The following MECOM variants were observed in gnomAD, a reference collection of about 807,000 sequenced individuals.
The protein encoded by MECOM is MDS1 and EVI1 complex locus, also known as histone-lysine N-methyltransferase MECOM.
A neutral mutation model predicts 116.3 loss-of-function variants in MECOM; 13 were observed. That is an observed-to-expected ratio of 0.11 (90% CI 0.07 to 0.18). MECOM has a LOEUF of 0.18. Among genes scored for constraint, MECOM ranks in the 10% least tolerant of loss-of-function variants. MECOM has a pLI of 1.00. For synonymous variants in MECOM, 528 were observed against 535.2 expected (o/e 0.99, Z 0.19); for missense variants, 1,299 against 1,509.0 (o/e 0.86, Z 2.31).
At chr3:169,471,071 C>A (rs1749149839) in intron 1 of MECOM, among the ~76,000 whole-genome samples, 1 of 152,032 alleles carries the variant, frequency 6.6e-6, no homozygotes, top group Admixed American at 6.6e-5. Flanking sequence ...CCCCAATACC[C>A]CCATCCCCAC....
intron 1 of MECOM, among the ~76,000 whole-genome samples, chr3:169,607,827 C>A (rs539121053): frequency 6.6e-6 from 1 of 152,210 alleles, no homozygotes; most frequent in Non-Finnish European, 1.5e-5. Flanking sequence ...ATTAAATTTG[C>A]GTAAGCGCTT....
At chr3:169,147,107 C>T (rs766262898) in intron 2 of MECOM, 6 of 986,400 alleles carry the variant, frequency 6.1e-6, no homozygotes, top group Non-Finnish European at 7.2e-6. Flanking sequence ...TGGTTCACAT[C>T]ACCTCCCTCT....
At chr3:169,366,266 G>A (rs1206770575) in intron 2 of MECOM, among the ~76,000 whole-genome samples, 4 of 151,876 alleles carry the variant, frequency 2.6e-5, no homozygotes, top group Admixed American at 2.0e-4. Context: ...TGCTCCTACT[G>A]TTTAGTCTCA....
chr3:169,486,858 T>C (rs968424577), intron 1 of MECOM, among the ~76,000 whole-genome samples: 3 of 152,060 alleles, frequency 2.0e-5, no homozygotes, highest in African/African-American at 7.2e-5. Context: ...GCAAATACTC[T>C]TTTAGGAGAG....
chr3:169,168,385 G>T (rs1743936508), intron 2 of MECOM, among the ~76,000 whole-genome samples: 1 of 144,240 alleles, frequency 6.9e-6, no homozygotes, highest in Non-Finnish European at 1.5e-5. Context: ...AAACTACTTG[G>T]TTCTTTATTA....
chr3:169,265,093 G>A (rs557547841), intron 2 of MECOM, among the ~76,000 whole-genome samples: 3 of 151,818 alleles, frequency 2.0e-5, no homozygotes, highest in Non-Finnish European at 2.9e-5. Flanking sequence ...AAATCAACCC[G>A]AATTTGAAGG....
At chr3:169,515,257 T>C (rs1220997051) in intron 1 of MECOM, among the ~76,000 whole-genome samples, 2 of 152,140 alleles carry the variant, frequency 1.3e-5, no homozygotes, top group Non-Finnish European at 2.9e-5. Context: ...GGAACAATAT[T>C]ATTTTATACT....
chr3:169,606,112 T>G (rs531537170), intron 1 of MECOM, among the ~76,000 whole-genome samples: 4 of 152,276 alleles, frequency 2.6e-5, no homozygotes, highest in Admixed American at 1.3e-4. Flanking sequence ...TCCACTACTT[T>G]GATTAGAAAT....
At chr3:169,146,282 C>T in intron 2 of MECOM, 1 of 1,255,990 alleles carries the variant, frequency 8.0e-7, no homozygotes, top group Non-Finnish European at 1.0e-6. Flanking sequence ...CGATGTTGGA[C>T]AGCAAAGCTG....
At position 169,218,014 on chromosome 3, in the gene MECOM, A is replaced by G. The variant is rs147101096; in HGVS notation, c.376-74182T>C. ...TCTAATTAAATATTTTAATAGCTCT[A>G]TAGTGAAATTAATGCTTAGGGCAGT... is the stretch of plus-strand genomic sequence containing the variant. On this transcript the variant is annotated intron_variant, in intron 2 of 16. Coordinates refer to ENST00000651503, the MANE Select transcript of MECOM (RefSeq NM_004991.4). Among the ~76,000 whole-genome samples, 364 of 152,016 alleles carry G rather than the reference A, an allele frequency of 2.4e-3. 3 individuals are homozygous for G. Among genetic ancestry groups the G allele is most frequent in the African/African-American group, 8.5e-3 (354 of 41,538 alleles).
chr3:169,446,602 C>T (rs1174826176), intron 1 of MECOM, among the ~76,000 whole-genome samples: 2 of 152,194 alleles, frequency 1.3e-5, no homozygotes, highest in African/African-American at 4.8e-5. Context: ...ACTTGCTAAG[C>T]TACCCTCCCT....
At chr3:169,318,442 C>G (rs1457042127) in intron 2 of MECOM, among the ~76,000 whole-genome samples, 1 of 152,108 alleles carries the variant, frequency 6.6e-6, no homozygotes, top group Non-Finnish European at 1.5e-5. Flanking sequence ...ACAACCCCAT[C>G]AAAAAGTGGG....
chr3:169,246,669 G>A (rs147815998), intron 2 of MECOM, among the ~76,000 whole-genome samples: 122 of 151,880 alleles, frequency 8.0e-4, no homozygotes, highest in Non-Finnish European at 1.4e-3. Context: ...CTACAGGCGC[G>A]TGCCACCATG....
At chr3:169,662,633 C>T (rs1776448015) in intron 1 of MECOM, among the ~76,000 whole-genome samples, 1 of 146,066 alleles carries the variant, frequency 6.8e-6, no homozygotes, top group Non-Finnish European at 1.5e-5. Flanking sequence ...CCGCCGCAGT[C>T]CTCCCGCCGC....
chr3:169,209,536 G>A (rs1171339322), intron 2 of MECOM, among the ~76,000 whole-genome samples: 1 of 152,202 alleles, frequency 6.6e-6, no homozygotes, highest in East Asian at 1.9e-4. Flanking sequence ...CCATCAAACA[G>A]TGGGCAAAGG....
At chr3:169,622,695 C>G (rs899872432) in intron 1 of MECOM, among the ~76,000 whole-genome samples, 5 of 152,152 alleles carry the variant, frequency 3.3e-5, no homozygotes, top group Non-Finnish European at 5.9e-5. Flanking sequence ...TAAATAACTT[C>G]TCTTTTATTG....
chr3:169,095,197 C>T lies in MECOM; in HGVS notation c.2898G>A (p.Arg966=). ...CTTTATTGTGGATGTTGCGAACATG[C>T]CTTTGCAAGTTAGAAGATATGCTAA... ...RSFSISSNLQ[R]HVRNIHNKEK... Residue 966 remains arginine, a synonymous_variant, in exon 13 of 17, where the codon AGG becomes AGA. Transcript: ENST00000651503. 1 of 1,613,242 alleles carries T rather than the reference C, an allele frequency of 6.2e-7. No individual in the cohort carries two copies. The highest frequency in any genetic ancestry group is 8.5e-7 in the Non-Finnish European group (1 of 1,179,640).
chr3:169,537,855 G>A (rs908198780), intron 1 of MECOM, among the ~76,000 whole-genome samples: 1 of 151,974 alleles, frequency 6.6e-6, no homozygotes, highest in African/African-American at 2.4e-5. Context: ...GATAATACTG[G>A]GATTTAACAA....
At chr3:169,119,845 C>CT (rs1158153070) in intron 7 of MECOM, among the ~76,000 whole-genome samples, 1 of 152,022 alleles carries the variant, frequency 6.6e-6, no homozygotes, top group African/African-American at 2.4e-5. Flanking sequence ...TGAGAGCACC[C>CT]TTTTTTAATC....
Sources: allele counts gnomAD v4.1 joint callset (sites outside exome capture counted in the v4.1 genomes callset), GRCh38; gene constraint gnomAD v4.1.1; transcripts MANE v1.5; gene names NCBI Gene and HGNC (gene_info 2026-07-23, HGNC 2026-07-21).